The following CTTNBP2NL variants were observed in gnomAD, a reference collection of about 807,000 sequenced individuals.
The protein encoded by CTTNBP2NL is CTTNBP2 N-terminal-like protein.
In CTTNBP2NL, 16 loss-of-function variants were observed where a neutral mutation model predicts 32.5. The ratio of observed to expected loss-of-function variants is 0.49; its 90% CI spans 0.33 to 0.75. CTTNBP2NL has a LOEUF of 0.75. Ranked by LOEUF, CTTNBP2NL falls within the 30% of genes least tolerant of loss-of-function variation. The pLI, the probability that CTTNBP2NL is intolerant of heterozygous loss-of-function variation, is 0.02. For missense variants in CTTNBP2NL, 645 were observed against 756.0 expected (o/e 0.85, Z 1.72); for synonymous variants, 298 against 289.4 (o/e 1.03, Z -0.30).
intron 3 of CTTNBP2NL, among the ~76,000 whole-genome samples, chr1:112,420,147 G>T (rs1294258549): frequency 7.0e-6 from 1 of 143,530 alleles, no homozygotes; most frequent in East Asian, 2.0e-4. Flanking sequence ...AGTTGGAGTG[G>T]CTTTTTTTTT....
intron 4 of CTTNBP2NL, among the ~76,000 whole-genome samples, chr1:112,453,009 G>T (rs1650268135): frequency 6.7e-6 from 1 of 148,344 alleles, no homozygotes; most frequent in Non-Finnish European, 1.5e-5. Flanking sequence ...CAGCTGCTCA[G>T]GAGGCTGAGG....
At chr1:112,418,001 C>G (rs2492513) in intron 3 of CTTNBP2NL, among the ~76,000 whole-genome samples, 83,778 of 151,906 alleles carry the variant, frequency 0.55, 24,241 homozygotes, top group South Asian at 0.71. Flanking sequence ...GATGCTTAGT[C>G]GGTTGAAAAG....
chr1:112,427,097 C>T (rs767353878), intron 3 of CTTNBP2NL, among the ~76,000 whole-genome samples: 7 of 151,964 alleles, frequency 4.6e-5, no homozygotes, highest in Non-Finnish European at 7.4e-5. Context: ...ATTTTTATAC[C>T]TGATAGAATA....
upstream of CTTNBP2NL, among the ~76,000 whole-genome samples, chr1:112,392,020 A>AT (rs10705288): frequency 4.6e-4 from 70 of 152,028 alleles, 1 homozygote; most frequent in African/African-American, 1.7e-3. Flanking sequence ...AAATAAATAA[A>AT]ATAAGTCCAA....
At chr1:112,439,444 A>G (rs961793043) in intron 3 of CTTNBP2NL, among the ~76,000 whole-genome samples, 1 of 152,174 alleles carries the variant, frequency 6.6e-6, no homozygotes, top group African/African-American at 2.4e-5. Context: ...ACTTGCTTCA[A>G]ATAAATTTTT....
Position 112,412,653 on chromosome 1 carries a change from G to A in CTTNBP2NL, c.-10+336G>A, listed in dbSNP as rs145970272. Among the ~76,000 whole-genome samples, 496 of 116,058 alleles carry A rather than the reference G, an allele frequency of 4.3e-3. 3 individuals are homozygous for A. The highest frequency in any genetic ancestry group is 0.016 in the African/African-American group (462 of 29,124). 76.1% of individuals were successfully genotyped at this position (116,058 alleles called of 152,430 possible). On this transcript the variant is annotated intron_variant, in intron 2 of 5. Coordinates refer to ENST00000271277, the MANE Select transcript of CTTNBP2NL (RefSeq NM_018704.3). The stretch of plus-strand genomic sequence containing the variant: ...TTTTTTTGACACAGAGTCTCACTGT[G>A]TCAACCAGGCTAGAGTACAGTGGCG...
Position 112,416,268 on chromosome 1 carries a change from T to G in CTTNBP2NL, c.99+4T>G, listed in dbSNP as rs1389389976. ...CCTTGTTATAGAAGCCTTAAAGGTA[T>G]GTTAAAAGAAAAAAAAAAAGAGGTC... On this transcript the variant is annotated splice_donor_region_variant and intron_variant, in intron 3 of 5. Coordinates refer to ENST00000271277, the MANE Select transcript of CTTNBP2NL (RefSeq NM_018704.3). 3.5e-6 allele frequency: 5 copies of G among 1,441,252 alleles called. No homozygotes were observed. In the Admixed American group the frequency reaches 1.1e-4, roughly 31 times the overall value. The allele number at this position is 1,441,252 out of a possible 1,614,324, so 89.3% of individuals were successfully genotyped here.
chr1:112,429,749 A>T (rs191234874), intron 3 of CTTNBP2NL, among the ~76,000 whole-genome samples: 12 of 152,340 alleles, frequency 7.9e-5, no homozygotes, highest in Admixed American at 7.2e-4. Flanking sequence ...ATGATTGTAG[A>T]ATAAAATACT....
chr1:112,419,556 T>TA (rs5777112), intron 3 of CTTNBP2NL, among the ~76,000 whole-genome samples: 82,658 of 150,006 alleles, frequency 0.55, 23,720 homozygotes, highest in South Asian at 0.7. Flanking sequence ...CACCAAAAAT[T>TA]AAAAAAAAAA....
At chr1:112,453,367 G>A (rs1650276986) in intron 4 of CTTNBP2NL, among the ~76,000 whole-genome samples, 1 of 152,146 alleles carries the variant, frequency 6.6e-6, no homozygotes, top group Non-Finnish European at 1.5e-5. Context: ...GGAGGTCTGG[G>A]CCAAGGCACT....
chr1:112,410,164 G>C (rs376373548), intron 1 of CTTNBP2NL, among the ~76,000 whole-genome samples: 1 of 152,104 alleles, frequency 6.6e-6, no homozygotes, highest in Non-Finnish European at 1.5e-5. Flanking sequence ...AGGCCAAGGC[G>C]GGGGGATCAC....
chr1:112,407,840 C>CATT (rs1648716327), intron 1 of CTTNBP2NL, among the ~76,000 whole-genome samples: 1 of 96,070 alleles, frequency 1.0e-5, no homozygotes, highest in Non-Finnish European at 2.0e-5. Flanking sequence ...TTTTTTCTTT[C>CATT]TTTTTTTTTT....
intron 4 of CTTNBP2NL, among the ~76,000 whole-genome samples, chr1:112,453,422 G>A (rs1315550472): frequency 6.6e-6 from 1 of 152,124 alleles, no homozygotes; most frequent in East Asian, 1.9e-4. Context: ...AATATTTGCA[G>A]TTGTAGATGG....
intron 3 of CTTNBP2NL, among the ~76,000 whole-genome samples, chr1:112,433,246 TTGTGTGGGGG>T (rs949897300): frequency 1.6e-4 from 24 of 152,126 alleles, no homozygotes; most frequent in Non-Finnish European, 1.6e-4. Flanking sequence ...TTATTCATTT[TTGTGTGGGGG>T]TGTGTGTGTG....
At chr1:112,448,422 A>G (rs207460390) in intron 3 of CTTNBP2NL, among the ~76,000 whole-genome samples, 1 of 152,236 alleles carries the variant, frequency 6.6e-6, no homozygotes, top group Admixed American at 6.5e-5. Context: ...CTCTAAATAT[A>G]TAAACTCATA....
intron 3 of CTTNBP2NL, among the ~76,000 whole-genome samples, chr1:112,416,502 TC>T (rs1649069094): frequency 9.4e-6 from 1 of 106,154 alleles, no homozygotes; most frequent in African/African-American, 2.6e-5. Flanking sequence ...TGAACTTCAT[TC>T]TTTTTTTTTT....
At chr1:112,405,251 C>T (rs1207122231) in intron 1 of CTTNBP2NL, among the ~76,000 whole-genome samples, 1 of 152,176 alleles carries the variant, frequency 6.6e-6, no homozygotes, top group East Asian at 1.9e-4. Flanking sequence ...GGCCTTGTCT[C>T]AGATGAGAAT....
intron 3 of CTTNBP2NL, among the ~76,000 whole-genome samples, chr1:112,416,757 G>T (rs1462496290): frequency 2.6e-5 from 4 of 152,068 alleles, no homozygotes; most frequent in Non-Finnish European, 5.9e-5. Flanking sequence ...CTCCCAAAGT[G>T]CTGAAATTAC....
chr1:112,414,052 AAAAT>A (rs1261580184), intron 2 of CTTNBP2NL, among the ~76,000 whole-genome samples: 3 of 151,550 alleles, frequency 2.0e-5, no homozygotes, highest in African/African-American at 7.3e-5. Flanking sequence ...CTGTCTCAAA[AAAAT>A]AAATAAATAA....
Sources: allele counts gnomAD v4.1 joint callset (sites outside exome capture counted in the v4.1 genomes callset), GRCh38; gene constraint gnomAD v4.1.1; transcripts MANE v1.5; gene names NCBI Gene and HGNC (gene_info 2026-07-23, HGNC 2026-07-21).